CPPED1: variants seen among roughly 807,000 people sequenced by gnomAD.
The protein encoded by CPPED1 is serine/threonine-protein phosphatase CPPED1.
Under a neutral mutation model 28.0 loss-of-function variants are expected in CPPED1, and 28 were observed. That is an observed-to-expected ratio of 1.00 (90% CI 0.74 to 1.37). CPPED1 has a LOEUF of 1.37. CPPED1 is among the 40% of genes most tolerant of loss of function. CPPED1 has a pLI of 0.00. For missense variants in CPPED1, 504 were observed against 416.5 expected, an observed-to-expected ratio of 1.21 and a Z score of -1.83; for synonymous variants, 198 against 180.2, an observed-to-expected ratio of 1.10 and a Z score of -0.79.
At chr16:12,737,409 A>T (rs758264137) in intron 2 of CPPED1, among the ~76,000 whole-genome samples, 33 of 151,942 alleles carry the variant, frequency 2.2e-4, no homozygotes, top group Admixed American at 6.6e-4. Context: ...ACCAAAAAGC[A>T]CCCCTTACAG....
intron 2 of CPPED1, among the ~76,000 whole-genome samples, chr16:12,707,567 A>G (rs1347044042): frequency 6.6e-6 from 1 of 152,178 alleles, no homozygotes; most frequent in African/African-American, 2.4e-5. Context: ...AAAGTCATTA[A>G]GTATGGCCCC....
intron 3 of CPPED1, among the ~76,000 whole-genome samples, chr16:12,687,840 G>A (rs1188743617): frequency 6.6e-6 from 1 of 151,992 alleles, no homozygotes; most frequent in Non-Finnish European, 1.5e-5. Flanking sequence ...TCAATTAATT[G>A]AACAGATGCC....
chr16:12,784,090 C>G (rs2080548466), intron 1 of CPPED1, among the ~76,000 whole-genome samples: 1 of 152,230 alleles, frequency 6.6e-6, no homozygotes. Context: ...GCAGTCCCTT[C>G]CAAGAGTGGG....
intron 2 of CPPED1, among the ~76,000 whole-genome samples, chr16:12,769,016 C>A (rs1267365787): frequency 6.6e-6 from 1 of 152,028 alleles, no homozygotes; most frequent in African/African-American, 2.4e-5. Flanking sequence ...CAGGCACATG[C>A]CCCCACACCT....
chr16:12,795,813 G>C (rs1475949687), intron 1 of CPPED1, among the ~76,000 whole-genome samples: 1 of 152,170 alleles, frequency 6.6e-6, no homozygotes, highest in African/African-American at 2.4e-5. Flanking sequence ...GCCAGGCGTG[G>C]TGGCTTAGGC....
chr16:12,667,825 G>T (rs1717385793), intron 3 of CPPED1, among the ~76,000 whole-genome samples: 1 of 152,012 alleles, frequency 6.6e-6, no homozygotes, highest in Admixed American at 6.6e-5. Context: ...ATAGTGAGAA[G>T]AATTTGAAGA....
chr16:12,803,586 A>C (rs1163497467), intron 1 of CPPED1, 121 bp downstream of exon 1: 2 of 865,274 alleles, frequency 2.3e-6, no homozygotes, highest in Admixed American at 4.1e-5. Flanking sequence ...GGCGGCTCCC[A>C]GGCCCCGGTG....
Position 12,704,667 on chromosome 16 carries a change from G to T in CPPED1, c.672C>A (p.Ser224Arg), listed in dbSNP as rs1165457495. Reference protein sequence around the residue: ...DEDDDYYFNLSKSTRKKLADK... With the variant: ...DEDDDYYFNLRKSTRKKLADK... Reference sequence around the variant, plus strand: ...CTGCCAACTTCTTCCGAGTGGACTTGCTGAGGTTGAAGTAGTAGTCGTCGT... The same window carrying T: ...CTGCCAACTTCTTCCGAGTGGACTTTCTGAGGTTGAAGTAGTAGTCGTCGT... The change falls in exon 3 of 4, where the codon AGC becomes AGA. Residue 224 changes from serine (S) to arginine (R), a missense_variant. Coordinates refer to ENST00000381774, the MANE Select transcript of CPPED1 (RefSeq NM_018340.3). The T allele has an allele frequency of 6.2e-7, 1 of 1,613,754 alleles. No individual in the cohort carries two copies.
intron 2 of CPPED1, among the ~76,000 whole-genome samples, chr16:12,767,774 A>G (rs1355922775): frequency 1.3e-5 from 2 of 152,158 alleles, no homozygotes; most frequent in Non-Finnish European, 2.9e-5. Context: ...CCTGGCCAGC[A>G]TGGTGAAACT....
intron 1 of CPPED1, among the ~76,000 whole-genome samples, chr16:12,789,782 C>A (rs1392866757): frequency 6.6e-6 from 1 of 152,118 alleles, no homozygotes; most frequent in Non-Finnish European, 1.5e-5. Flanking sequence ...TCACCTTGAC[C>A]TCCCAAGGTG....
chr16:12,799,404 C>T (rs1172522049), intron 1 of CPPED1, among the ~76,000 whole-genome samples: 2 of 152,214 alleles, frequency 1.3e-5, no homozygotes, highest in Middle Eastern at 3.4e-3. Flanking sequence ...TGCCACCACA[C>T]CCGGCTAATT....
intron 2 of CPPED1, among the ~76,000 whole-genome samples, chr16:12,750,756 C>T (rs1015750286): frequency 2.0e-5 from 3 of 152,084 alleles, no homozygotes; most frequent in East Asian, 1.9e-4. Flanking sequence ...GGATCACTTG[C>T]GGTCAGGAGT....
intron 3 of CPPED1, among the ~76,000 whole-genome samples, chr16:12,698,537 T>C (rs1365460493): frequency 6.6e-6 from 1 of 152,200 alleles, no homozygotes; most frequent in Non-Finnish European, 1.5e-5. Context: ...GTTCAAGCGA[T>C]TCTTCTGCCT....
At chr16:12,767,234 C>T (rs191077055) in intron 2 of CPPED1, among the ~76,000 whole-genome samples, 54 of 152,246 alleles carry the variant, frequency 3.5e-4, no homozygotes, top group African/African-American at 1.2e-3. Context: ...ATCTAAAGGT[C>T]TGAGAACCAG....
chr16:12,714,784 A>G (rs939973026), intron 2 of CPPED1, among the ~76,000 whole-genome samples: 8 of 152,278 alleles, frequency 5.3e-5, no homozygotes, highest in Middle Eastern at 6.8e-3. Context: ...GAGGTACAAA[A>G]TATTCAAGTT....
intron 3 of CPPED1, among the ~76,000 whole-genome samples, chr16:12,692,750 G>A (rs1329919402): frequency 2.0e-5 from 3 of 152,148 alleles, no homozygotes; most frequent in Non-Finnish European, 4.4e-5. Flanking sequence ...TGCACTTTTC[G>A]GGAGAGAAAT....
Position 12,709,463 on chromosome 16 carries a change from C to T in CPPED1, c.290-4414G>A, listed in dbSNP as rs571067804. Among the ~76,000 whole-genome samples the T allele has an allele frequency of 2.0e-5, 3 of 152,052 alleles. No individual in the cohort carries two copies. Among genetic ancestry groups the T allele is most frequent in the East Asian group, 1.9e-4 (1 of 5,170 alleles). On this transcript the variant is annotated intron_variant, in intron 2 of 3. Coordinates refer to ENST00000381774, the MANE Select transcript of CPPED1 (RefSeq NM_018340.3). The surrounding 1 kb of genome is among the most constrained non-coding windows in gnomAD (Gnocchi z 4.4). ...GAGAGCAGTGTAGAAAGCTGCAAAG[C>T]GTTTAAAACACTTAAAAAAATTTTA...
intron 2 of CPPED1, among the ~76,000 whole-genome samples, chr16:12,779,738 C>T (rs1472434633): frequency 6.6e-6 from 1 of 151,952 alleles, no homozygotes; most frequent in Non-Finnish European, 1.5e-5. Context: ...AAAAGAGCCA[C>T]CATGAGGAGG....
intron 2 of CPPED1, among the ~76,000 whole-genome samples, chr16:12,723,154 C>A (rs1242111154): frequency 6.6e-6 from 1 of 152,166 alleles, no homozygotes; most frequent in Non-Finnish European, 1.5e-5. Context: ...ACACAATGCA[C>A]ACATATAGTG....
Sources: allele counts gnomAD v4.1 joint callset (sites outside exome capture counted in the v4.1 genomes callset), GRCh38; gene constraint gnomAD v4.1.1; non-coding constraint Gnocchi (gnomAD v3.1); transcripts MANE v1.5; gene names NCBI Gene and HGNC (gene_info 2026-07-23, HGNC 2026-07-21).